TRIM42: variants seen among roughly 807,000 people sequenced by gnomAD.
The protein encoded by TRIM42 is tripartite motif-containing protein 42.
Under a neutral mutation model 64.9 loss-of-function variants are expected in TRIM42, and 59 were observed. That is an observed-to-expected ratio of 0.91 (90% CI 0.74 to 1.13). The LOEUF (loss-of-function observed/expected upper bound fraction) is 1.13. TRIM42 is among the 50% of genes most tolerant of loss of function. TRIM42 has a pLI of 0.00. For missense variants in TRIM42, 878 were observed against 929.5 expected (o/e 0.94, Z 0.72); for synonymous variants, 354 against 346.3 (o/e 1.02, Z -0.25).
intron 1 of TRIM42, among the ~76,000 whole-genome samples, chr3:140,679,562 G>T (rs1376145374): frequency 6.6e-6 from 1 of 152,196 alleles, no homozygotes; most frequent in East Asian, 1.9e-4. Flanking sequence ...TATCCATCTT[G>T]CAATTAAACA....
chr3:140,687,682 G>A lies in TRIM42; in HGVS notation c.1040-40G>A, dbSNP rs116516962. 4.1e-4 allele frequency: 605 copies of A among 1,490,638 alleles called. 3 individuals carry two copies. In the African/African-American group the frequency reaches 7.6e-3, roughly 19 times the overall value. 92.3% of individuals were successfully genotyped at this position (1,490,638 alleles called of 1,614,324 possible). A position where few individuals can be genotyped will look rare whatever the true frequency, so the allele number is the denominator to read the frequency against. On this transcript the variant is annotated intron_variant, in intron 2 of 4. Coordinates refer to ENST00000286349, the MANE Select transcript of TRIM42 (RefSeq NM_152616.5). ...TGCTACTGACTTTGACACCTGGGGA[G>A]ATGAAAATTTTAAAAGTAACTAACT...
chr3:140,695,089 TA>T (rs138359398), intron 4 of TRIM42, among the ~76,000 whole-genome samples: 4 of 151,228 alleles, frequency 2.6e-5, no homozygotes, highest in Admixed American at 1.3e-4. Context: ...TACTAAAAAT[TA>T]AAAAAAAGTC....
intron 4 of TRIM42, among the ~76,000 whole-genome samples, chr3:140,697,989 G>A (rs1183782392): frequency 6.6e-6 from 1 of 152,096 alleles, no homozygotes; most frequent in Non-Finnish European, 1.5e-5. Context: ...GGCCAGAAAT[G>A]CCACTTTTAT....
chr3:140,687,597 CA>C, intron 2 of TRIM42, 124 bp from the exon 3 acceptor site: 2 of 699,368 alleles, frequency 2.9e-6, no homozygotes, highest in Non-Finnish European at 4.7e-6. Context: ...AGCCCAACTA[CA>C]AGTGCCTTCC....
At chr3:140,695,189 A>G (rs1368539869) in intron 4 of TRIM42, among the ~76,000 whole-genome samples, 2 of 152,166 alleles carry the variant, frequency 1.3e-5, no homozygotes, top group Non-Finnish European at 2.9e-5. Flanking sequence ...CAGAGGTTGC[A>G]GTGGGCCAAG....
chr3:140,679,053 T>A (rs987500289), intron 1 of TRIM42, among the ~76,000 whole-genome samples: 2 of 121,116 alleles, frequency 1.7e-5, no homozygotes, highest in Non-Finnish European at 3.8e-5. Flanking sequence ...ACGGAGACAA[T>A]ACCCCCCCCA....
intron 4 of TRIM42, among the ~76,000 whole-genome samples, chr3:140,693,435 A>G (rs2107765299): frequency 6.6e-6 from 1 of 152,322 alleles, no homozygotes; most frequent in Non-Finnish European, 1.5e-5. Flanking sequence ...TTCAGAAGTA[A>G]TTCTTCCTCC....
intron 2 of TRIM42, among the ~76,000 whole-genome samples, chr3:140,684,252 A>G (rs1286404333): frequency 1.3e-5 from 2 of 152,104 alleles, no homozygotes; most frequent in Non-Finnish European, 1.5e-5. Context: ...AGTCTATTTG[A>G]CTCCAGTGCC....
rs367575076 is a variant in TRIM42 at position 140,687,324 on chromosome 3, G to C, written c.1040-398G>C. On this transcript the variant is annotated intron_variant, in intron 2 of 4. Transcript: ENST00000286349. ...AAACTTAGTTCTTCCTCTTACCACT[G>C]CAAAAGCTTAGGTTTCCTACAGGGA... is the stretch of plus-strand genomic sequence containing the variant. Among the ~76,000 whole-genome samples, 255 of 152,322 alleles carry C rather than the reference G, an allele frequency of 1.7e-3. 3 individuals carry two copies. The highest frequency in any genetic ancestry group is 5.9e-3 in the African/African-American group (247 of 41,562).
intron 3 of TRIM42, among the ~76,000 whole-genome samples, chr3:140,690,212 T>C (rs554248838): frequency 1.3e-5 from 2 of 152,296 alleles, no homozygotes; most frequent in South Asian, 2.1e-4. Flanking sequence ...GAAAATATTC[T>C]GAAACTTAGT....
At chr3:140,680,311 C>T (rs1988342904) in intron 1 of TRIM42, among the ~76,000 whole-genome samples, 1 of 152,046 alleles carries the variant, frequency 6.6e-6, no homozygotes, top group Non-Finnish European at 1.5e-5. Flanking sequence ...TTCTCATCAC[C>T]ACCTTCTGCT....
intron 1 of TRIM42, among the ~76,000 whole-genome samples, chr3:140,679,258 C>CT (rs1389777231): frequency 6.6e-6 from 1 of 152,190 alleles, no homozygotes; most frequent in African/African-American, 2.4e-5. Flanking sequence ...CTACTACCTT[C>CT]TTTTTCCCAT....
At chr3:140,689,553 A>T (rs1384867591) in intron 3 of TRIM42, among the ~76,000 whole-genome samples, 3 of 152,086 alleles carry the variant, frequency 2.0e-5, no homozygotes, top group African/African-American at 7.2e-5. Context: ...GCTGCTGTCT[A>T]CAGACTACAC....
Position 140,678,286 on chromosome 3 carries a change from T to C in TRIM42, c.57T>C (p.Pro19=). Reference sequence around the variant, plus strand: ...GTTGTACATGGCAGAGATGTTGTCCTCAGTTATGCTCCTGTCTGTGCTGCA... The same window carrying C: ...GTTGTACATGGCAGAGATGTTGTCCCCAGTTATGCTCCTGTCTGTGCTGCA... ...CPCCTWQRCC[P]QLCSCLCCKF... The change falls in exon 1 of 5, where the codon CCT becomes CCC. Residue 19 remains proline (P), a synonymous_variant. Transcript: ENST00000286349. 1.9e-6 allele frequency: 3 copies of C among 1,614,210 alleles called. No individual in the cohort carries two copies. The highest frequency in any genetic ancestry group is 2.5e-6 in the Non-Finnish European group (3 of 1,180,040).
chr3:140,682,622 A>G lies in TRIM42; in HGVS notation c.502A>G (p.Lys168Glu). ...GCCCTGCAACCACAGCCTGTGCGAG[A>G]AGTGCCTGCGGCAGCTGCAGAAGCA... ...MLPCNHSLCEKCLRQLQKHAE... is the reference protein window; with the variant it reads ...MLPCNHSLCEECLRQLQKHAE... The change falls in exon 2 of 5, where the codon AAG becomes GAG. Residue 168 changes from lysine to glutamate, a missense_variant. Lys to Glu is a moderately conservative substitution (Grantham distance 56, BLOSUM62 1). Coordinates refer to ENST00000286349, the MANE Select transcript of TRIM42 (RefSeq NM_152616.5). 1 of 1,614,052 alleles carries G rather than the reference A, an allele frequency of 6.2e-7. No homozygotes were observed. Among genetic ancestry groups the G allele is most frequent in the Non-Finnish European group, 8.5e-7 (1 of 1,180,002 alleles).
rs367717977 is a variant in TRIM42, at chr3:140,691,234, G to T, written c.2085+42G>T. The stretch of plus-strand genomic sequence containing the variant: ...TTCTCAGACAGATTTTTTTTTCTAT[G>T]GTAGGTTCTGGATGAGGCCCTGTTA... On this transcript the variant is annotated intron_variant, in intron 4 of 4. Transcript: ENST00000286349. 3.9e-5 allele frequency: 61 copies of T among 1,547,372 alleles called. No individual in the cohort carries two copies. In the African/African-American group the frequency reaches 8.2e-4, roughly 21 times the overall value.
chr3:140,697,424 A>C (rs1486025661), intron 4 of TRIM42, among the ~76,000 whole-genome samples: 1 of 152,204 alleles, frequency 6.6e-6, no homozygotes, highest in Non-Finnish European at 1.5e-5. Context: ...TTAGGATTAG[A>C]TCACAAAGAT....
Position 140,688,341 on chromosome 3 carries a change from G to T in TRIM42, c.1659G>T (p.Leu553=). Residue 553 remains leucine (L), a synonymous_variant, in exon 3 of 5, where the codon CTG becomes CTT. Transcript: ENST00000286349. The stretch of plus-strand genomic sequence containing the variant: ...CTGACAAGAAGGCCAAGGTGGGTCT[G>T]GAGGCCTGTGGGAGAGCCCAGTCAG... ...SNTDKKAKVG[L]EACGRAQSAT... 6.2e-7 allele frequency: 1 copy of T among 1,614,196 alleles called. No individual in the cohort carries two copies. The highest frequency in any genetic ancestry group is 8.5e-7 in the Non-Finnish European group (1 of 1,180,022).
At chr3:140,693,557 A>T (rs1023890050) in intron 4 of TRIM42, among the ~76,000 whole-genome samples, 2 of 152,244 alleles carry the variant, frequency 1.3e-5, no homozygotes, top group Admixed American at 6.5e-5. Flanking sequence ...TGTGTGTTTG[A>T]ATGACATTTA....
Sources: allele counts gnomAD v4.1 joint callset (sites outside exome capture counted in the v4.1 genomes callset), GRCh38; gene constraint gnomAD v4.1.1; transcripts MANE v1.5; gene names NCBI Gene and HGNC (gene_info 2026-07-23, HGNC 2026-07-21).